Variants in TJP1 observed in about 807,000 individuals in gnomAD.
TJP1 encodes tight junction protein 1.
Under a neutral mutation model 194.2 loss-of-function variants are expected in TJP1, and 43 were observed. The ratio of observed to expected loss-of-function variants is 0.22; its 90% CI spans 0.17 to 0.29. TJP1 has a LOEUF of 0.29. Among genes scored for constraint, TJP1 ranks in the 10% least tolerant of loss-of-function variants. The probability of loss-of-function intolerance (pLI) is 1.00; values close to 1 mark genes in which losing one functional copy is unlikely to be tolerated. For synonymous variants in TJP1, 801 were observed against 779.0 expected (o/e 1.03, Z -0.47); for missense variants, 1,971 against 2,185.7 (o/e 0.90, Z 1.96).
In TJP1 at chr15:29,701,390, C is replaced by T. The variant is rs1332398119; in HGVS notation, c.*205G>A. 2.6e-5 allele frequency: 12 copies of T among 453,694 alleles called. No individual in the cohort carries two copies. Among genetic ancestry groups the T allele is most frequent in the Non-Finnish European group, 4.3e-5 (11 of 255,006 alleles). The allele number at this position is 453,694 out of a possible 1,614,324, so 28.1% of individuals were successfully genotyped here. A position where few individuals can be genotyped will look rare whatever the true frequency, so the allele number is the denominator to read the frequency against. On this transcript the variant is annotated 3_prime_UTR_variant, in exon 28 of 28. Coordinates refer to ENST00000614355, the MANE Select transcript of TJP1 (RefSeq NM_001330239.4). ...AACCTCTAGCCAATACCAACAGTCC[C>T]GTCAATCACAAACATGCAGTGTGTA...
At chr15:29,940,674 C>T (rs1212456446) in intron 2 of TJP1, among the ~76,000 whole-genome samples, 4 of 152,140 alleles carry the variant, frequency 2.6e-5, no homozygotes, top group Non-Finnish European at 5.9e-5. Flanking sequence ...TAATCACTGA[C>T]TGAAAAGTAA....
At chr15:29,920,119 G>A (rs989253975) in intron 2 of TJP1, among the ~76,000 whole-genome samples, 1 of 152,186 alleles carries the variant, frequency 6.6e-6, no homozygotes, top group East Asian at 1.9e-4. Context: ...GGCACTGCCA[G>A]GTAAGGAACC....
chr15:29,961,647 T>C (rs973993000), intron 1 of TJP1, among the ~76,000 whole-genome samples: 3 of 152,192 alleles, frequency 2.0e-5, no homozygotes, highest in South Asian at 2.1e-4. Context: ...CTCGTTCCAC[T>C]TCCTACCCCT....
chr15:29,741,275 T>C (rs2044396289), intron 10 of TJP1, 56 bp downstream of exon 10: 1 of 1,315,968 alleles, frequency 7.6e-7, no homozygotes, highest in African/African-American at 1.5e-5. Flanking sequence ...AAATTCCTAC[T>C]CTGAATAATG....
At chr15:29,783,474 T>C (rs1267462348) in intron 2 of TJP1, among the ~76,000 whole-genome samples, 1 of 152,214 alleles carries the variant, frequency 6.6e-6, no homozygotes, top group Non-Finnish European at 1.5e-5. Context: ...CATTACTGGG[T>C]ATATACCCAA....
intron 2 of TJP1, among the ~76,000 whole-genome samples, chr15:29,944,657 A>G (rs968578764): frequency 1.3e-5 from 2 of 152,152 alleles, no homozygotes; most frequent in Non-Finnish European, 2.9e-5. Flanking sequence ...TTTTCCTGCA[A>G]TTATTTTCAC....
chr15:29,752,134 G>A (rs1266495168), intron 8 of TJP1, among the ~76,000 whole-genome samples: 12 of 149,708 alleles, frequency 8.0e-5, no homozygotes, highest in East Asian at 5.9e-4. Context: ...ACGGAGTCTC[G>A]CTCTGTCACC....
At chr15:29,891,688 A>T (rs1391786477) in intron 2 of TJP1, among the ~76,000 whole-genome samples, 1 of 152,150 alleles carries the variant, frequency 6.6e-6, no homozygotes, top group Non-Finnish European at 1.5e-5. Flanking sequence ...GCAACATTTG[A>T]TGTTACCACT....
chr15:29,711,646 C>T (rs905064099), intron 23 of TJP1, among the ~76,000 whole-genome samples: 29 of 152,168 alleles, frequency 1.9e-4, no homozygotes, highest in Admixed American at 1.4e-3. Flanking sequence ...GGATTACAGG[C>T]ATGAGCCACC....
rs28675996 is a variant in TJP1 at position 29,764,790 on chromosome 15, G to A, written c.589+1476C>T. On this transcript the variant is annotated intron_variant, in intron 5 of 27. Coordinates refer to ENST00000614355, the MANE Select transcript of TJP1 (RefSeq NM_001330239.4). ...TTCATTTGAGATGTGCTGTGTTTCAGGGACCTACAGGAACATCTAAGTGAA... is the reference window on the plus strand; with the variant it reads ...TTCATTTGAGATGTGCTGTGTTTCAAGGACCTACAGGAACATCTAAGTGAA... Among the ~76,000 whole-genome samples, 327 of 152,318 alleles carry A rather than the reference G, an allele frequency of 2.1e-3. 4 individuals carry two copies. Among genetic ancestry groups the A allele is most frequent in the Middle Eastern group, 6.8e-3 (2 of 294 alleles).
At chr15:29,852,852 C>T (rs1234851238) in intron 2 of TJP1, among the ~76,000 whole-genome samples, 1 of 151,184 alleles carries the variant, frequency 6.6e-6, no homozygotes, top group Non-Finnish European at 1.5e-5. Flanking sequence ...TGCAGTGAGC[C>T]GAGATCATGC....
At chr15:29,795,013 GAAACA>G (rs1292595693) in intron 2 of TJP1, among the ~76,000 whole-genome samples, 14 of 152,074 alleles carry the variant, frequency 9.2e-5, no homozygotes, top group Middle Eastern at 3.4e-3. Context: ...TATAAATAAT[GAAACA>G]AAACAAAACA....
At chr15:29,928,390 C>T (rs1270013538) in intron 2 of TJP1, among the ~76,000 whole-genome samples, 1 of 152,136 alleles carries the variant, frequency 6.6e-6, no homozygotes, top group African/African-American at 2.4e-5. Context: ...ACAAGTGTTG[C>T]TAAATATATT....
At chr15:29,873,722 G>A (rs1238758986) in intron 2 of TJP1, among the ~76,000 whole-genome samples, 1 of 152,168 alleles carries the variant, frequency 6.6e-6, no homozygotes, top group African/African-American at 2.4e-5. Flanking sequence ...TAGGCATGGG[G>A]CTTTATGGCC....
intron 2 of TJP1, among the ~76,000 whole-genome samples, chr15:29,909,030 G>T (rs898167698): frequency 6.6e-6 from 1 of 151,746 alleles, no homozygotes; most frequent in Admixed American, 6.6e-5. Flanking sequence ...GGTGGTGGGC[G>T]CCTGTAGTCC....
intron 2 of TJP1, among the ~76,000 whole-genome samples, chr15:29,923,313 A>G (rs1217070768): frequency 1.3e-5 from 2 of 152,212 alleles, no homozygotes; most frequent in Non-Finnish European, 2.9e-5. Context: ...GACTACTGCT[A>G]CAGTCACTGA....
intron 2 of TJP1, among the ~76,000 whole-genome samples, chr15:29,936,849 A>G (rs2054899906): frequency 6.6e-6 from 1 of 152,112 alleles, no homozygotes; most frequent in Non-Finnish European, 1.5e-5. Context: ...CCCTTAGAAA[A>G]TATATTTAGA....
chr15:29,716,131 T>G (rs2042548426), intron 23 of TJP1, among the ~76,000 whole-genome samples: 1 of 152,024 alleles, frequency 6.6e-6, no homozygotes, highest in South Asian at 2.1e-4. Flanking sequence ...AAACTTGGGG[T>G]TCAGTCCCAG....
intron 2 of TJP1, among the ~76,000 whole-genome samples, chr15:29,842,708 A>G (rs1177178439): frequency 6.6e-6 from 1 of 152,228 alleles, no homozygotes; most frequent in East Asian, 1.9e-4. Context: ...AGGCCAATAT[A>G]TGATCAGAAG....
Sources: allele counts gnomAD v4.1 joint callset (sites outside exome capture counted in the v4.1 genomes callset), GRCh38; gene constraint gnomAD v4.1.1; transcripts MANE v1.5; gene names NCBI Gene and HGNC (gene_info 2026-07-23, HGNC 2026-07-21).